Variants in SCHIP1 observed in about 807,000 individuals in gnomAD.
The protein encoded by SCHIP1 is schwannomin interacting protein 1.
SCHIP1 carries 8 observed loss-of-function variants against 29.7 expected under a neutral mutation model. The observed-to-expected ratio is 0.27, with a 90% CI of 0.16 to 0.49. The LOEUF (loss-of-function observed/expected upper bound fraction) is 0.49. Among genes scored for constraint, SCHIP1 ranks in the 20% least tolerant of loss-of-function variants. The pLI is 0.99. For synonymous variants in SCHIP1, 76 were observed against 94.9 expected, an observed-to-expected ratio of 0.80 and a Z score of 1.16; for missense variants, 193 against 294.6, an observed-to-expected ratio of 0.66 and a Z score of 2.52.
the SCHIP1 span, among the ~76,000 whole-genome samples, chr3:159,731,462 G>C: frequency 2.0e-5 from 3 of 152,204 alleles, no homozygotes; most frequent in African/African-American, 7.2e-5. Flanking sequence ...GAGTAGACGA[G>C]GCCGGTAGAG....
At chr3:159,869,342 A>G (rs1311710808) in intron 2 of SCHIP1, among the ~76,000 whole-genome samples, 1 of 152,026 alleles carries the variant, frequency 6.6e-6, no homozygotes, top group Non-Finnish European at 1.5e-5. Flanking sequence ...ATAGACATTC[A>G]TTAGATTTCC....
At chr3:159,432,337 T>A in the SCHIP1 span, among the ~76,000 whole-genome samples, 17,405 of 66,736 alleles carry the variant, frequency 0.26, 1,265 homozygotes, top group South Asian at 0.34. Context: ...TGTGTGTGTG[T>A]GTGAGAGAGA....
the SCHIP1 span, among the ~76,000 whole-genome samples, chr3:159,372,164 G>A: frequency 6.6e-6 from 1 of 152,094 alleles, no homozygotes; most frequent in Non-Finnish European, 1.5e-5. Context: ...GTAATTAAAA[G>A]CTGTTATCTC....
chr3:159,570,242 G>A, the SCHIP1 span, among the ~76,000 whole-genome samples: 1 of 152,278 alleles, frequency 6.6e-6, no homozygotes, highest in South Asian at 2.1e-4. Context: ...GAATGGTATT[G>A]CCTAGGTTTT....
the SCHIP1 span, among the ~76,000 whole-genome samples, chr3:159,338,112 C>T: frequency 2.9e-4 from 44 of 152,194 alleles, 1 homozygote; most frequent in Admixed American, 1.4e-3. Flanking sequence ...GCTGGGGATA[C>T]GGCAGTGAAC....
chr3:159,766,313 C>T, the SCHIP1 span, among the ~76,000 whole-genome samples: 3 of 152,126 alleles, frequency 2.0e-5, no homozygotes, highest in South Asian at 2.1e-4. Context: ...GAGAAATTGC[C>T]ATGGTTCTAT....
the SCHIP1 span, among the ~76,000 whole-genome samples, chr3:159,373,933 TACTC>T: frequency 3.5e-4 from 54 of 152,308 alleles, no homozygotes; most frequent in East Asian, 9.7e-4. Flanking sequence ...TTTTGGGTAA[TACTC>T]ACAAGTAAGA....
At chr3:159,672,042 A>G in the SCHIP1 span, among the ~76,000 whole-genome samples, 1 of 152,216 alleles carries the variant, frequency 6.6e-6, no homozygotes, top group Non-Finnish European at 1.5e-5. Context: ...CAAGTTGGGG[A>G]TAATTGGAAC....
chr3:159,428,800 T>C, the SCHIP1 span, among the ~76,000 whole-genome samples: 3 of 152,118 alleles, frequency 2.0e-5, no homozygotes, highest in Non-Finnish European at 4.4e-5. Context: ...CCAACCCAAA[T>C]GTCCAACCAT....
the SCHIP1 span, among the ~76,000 whole-genome samples, chr3:159,561,080 T>A: frequency 1.3e-5 from 2 of 152,232 alleles, no homozygotes; most frequent in African/African-American, 4.8e-5. Context: ...CAGTGTTTTT[T>A]ATGATATTTG....
the SCHIP1 span, among the ~76,000 whole-genome samples, chr3:159,457,685 G>T: frequency 6.6e-6 from 1 of 152,098 alleles, no homozygotes; most frequent in African/African-American, 2.4e-5. Context: ...CAGAGGATAT[G>T]TTCCAAGACC....
At chr3:159,626,086 T>C in the SCHIP1 span, among the ~76,000 whole-genome samples, 1 of 103,604 alleles carries the variant, frequency 9.7e-6, no homozygotes, top group Non-Finnish European at 1.7e-5. Flanking sequence ...AGAGTGCAGC[T>C]TATATAGATA....
intron 2 of SCHIP1, among the ~76,000 whole-genome samples, chr3:159,871,361 G>A (rs973704343): frequency 5.4e-5 from 7 of 130,406 alleles, no homozygotes; most frequent in Non-Finnish European, 1.2e-4. Context: ...TTGTTTGTTG[G>A]GGGGGGTGGG....
chr3:159,384,358 T>A, the SCHIP1 span, among the ~76,000 whole-genome samples: 2 of 152,052 alleles, frequency 1.3e-5, no homozygotes, highest in South Asian at 2.1e-4. Flanking sequence ...CTGCATCTAT[T>A]GAGATAATTA....
chr3:159,828,395 ACG>A, the SCHIP1 span, among the ~76,000 whole-genome samples: 152 of 69,674 alleles, frequency 2.2e-3, 4 homozygotes, highest in East Asian at 0.012. Context: ...ATACATATAT[ACG>A]TATATATATA....
chr3:159,390,435 C>T, the SCHIP1 span, among the ~76,000 whole-genome samples: 179 of 152,014 alleles, frequency 1.2e-3, no homozygotes, highest in Admixed American at 4.4e-3. Flanking sequence ...AAACAAGAAA[C>T]GTTTTCTGGA....
chr3:159,882,800 C>T (rs1716575002), intron 2 of SCHIP1, among the ~76,000 whole-genome samples: 1 of 152,156 alleles, frequency 6.6e-6, no homozygotes, highest in African/African-American at 2.4e-5. Context: ...AAGTCAGCAC[C>T]AGTGTTTTCT....
At chr3:159,560,096 G>T in the SCHIP1 span, among the ~76,000 whole-genome samples, 1 of 152,102 alleles carries the variant, frequency 6.6e-6, no homozygotes, top group African/African-American at 2.4e-5. Flanking sequence ...TCTGAATATA[G>T]TCATGTGATT....
the SCHIP1 span, among the ~76,000 whole-genome samples, chr3:159,426,519 A>C: frequency 2.6e-5 from 4 of 152,318 alleles, no homozygotes; most frequent in South Asian, 4.1e-4. Context: ...CAATAAGAGG[A>C]GCTGAAATTG....
Sources: allele counts gnomAD v4.1 joint callset (sites outside exome capture counted in the v4.1 genomes callset), GRCh38; gene constraint gnomAD v4.1.1; transcripts MANE v1.5; gene names NCBI Gene and HGNC (gene_info 2026-07-23, HGNC 2026-07-21).